Variants in DDX51 observed in about 807,000 individuals in gnomAD.
DDX51 encodes DEAD-box helicase 51.
DDX51 carries 67 observed loss-of-function variants against 74.6 expected under a neutral mutation model. The ratio of observed to expected loss-of-function variants is 0.90; its 90% CI spans 0.74 to 1.10. The LOEUF (loss-of-function observed/expected upper bound fraction) is 1.10, where lower values mean the gene tolerates loss of function less well. Ranked by LOEUF, DDX51 falls within the 50% of genes least tolerant of loss-of-function variation. DDX51 has a pLI of 0.00. For synonymous variants in DDX51, 545 were observed against 402.9 expected (o/e 1.35, Z -4.22); for missense variants, 1,056 against 905.2 (o/e 1.17, Z -2.14).
intron 2 of DDX51, chr12:132,143,130 T>G (rs1897542262): frequency 1.9e-6 from 1 of 516,734 alleles, no homozygotes; most frequent in African/African-American, 1.9e-5. Flanking sequence ...AGCCAGGAGG[T>G]CCTGTGACCT....
chr12:132,140,043 G>A lies in DDX51; in HGVS notation c.1775+55C>T, dbSNP rs11246941. The A allele has an allele frequency of 6.3e-4, 1,005 of 1,605,094 alleles. 2 individuals carry two copies. The highest frequency in any genetic ancestry group is 7.8e-4 in the Non-Finnish European group (917 of 1,175,038). On this transcript the variant is annotated intron_variant, in intron 12 of 14. Transcript: ENST00000397333. ...CCAGTCAAGACGGTCCCACATCAAC[G>A]CCCAGGAGCTCACAAAGCCCCAGAC... is the stretch of plus-strand genomic sequence containing the variant.
rs745626576 is a variant in DDX51 at position 132,140,246 on chromosome 12, G to A, written c.1674-47C>T. The A allele has an allele frequency of 1.4e-4, 223 of 1,591,180 alleles. 1 individual carries two copies. Among genetic ancestry groups the A allele is most frequent in the Non-Finnish European group, 1.7e-4 (203 of 1,165,780 alleles). The stretch of plus-strand genomic sequence containing the variant: ...TGGGCCCGACGTGCCAGGAGCAGGG[G>A]CCGTGGCAGCACCGGCCCTGCGGGG... On this transcript the variant is annotated intron_variant, in intron 11 of 14. Coordinates refer to ENST00000397333, the MANE Select transcript of DDX51 (RefSeq NM_175066.4).
At position 132,141,020 on chromosome 12, in the gene DDX51, G is replaced by A. The variant is rs755905759; in HGVS notation, c.1251C>T (p.Ser417=). The stretch of plus-strand genomic sequence containing the variant: ...GCAGGGGCATCTGGGGACAGCAGGT[G>A]CTGGAAGAGAAGGGGGTGTTGCTGG... ...RRQAQAVTAA[S]TCCPQMPLQK... Residue 417 remains serine (S), a splice_region_variant and synonymous_variant, in exon 9 of 15, where the codon AGC becomes AGT. Transcript: ENST00000397333. The A allele has an allele frequency of 3.1e-6, 5 of 1,588,854 alleles. No homozygotes were observed. Among genetic ancestry groups the A allele is most frequent in the Non-Finnish European group, 4.3e-6 (5 of 1,170,584 alleles).
chr12:132,142,299 G>T lies in DDX51; in HGVS notation c.794C>A (p.Ala265Asp). ...GACCTGCACCACAGGGATGACGAAG[G>T]CCAGTGTCTTCCCACTGCCTGTTGG... The part of the protein sequence containing the change: ...SAPTGSGKTL[A>D]FVIPVVQALL... Residue 265 changes from alanine (A) to aspartate (D), a missense_variant, in exon 4 of 15, where the codon GCC (alanine) becomes GAC (aspartate). Transcript: ENST00000397333. 1 of 1,613,082 alleles carries T rather than the reference G, an allele frequency of 6.2e-7. No individual in the cohort carries two copies. Among genetic ancestry groups the T allele is most frequent in the Non-Finnish European group, 8.5e-7 (1 of 1,179,966 alleles).
At chr12:132,143,293 G>A (rs556259365) in intron 2 of DDX51, 2 of 407,034 alleles carry the variant, frequency 4.9e-6, no homozygotes, top group Admixed American at 4.4e-5. Context: ...CGAGCACTCT[G>A]TCAAACTTCT....
intron 11 of DDX51, 82 bp from the exon 12 acceptor site, chr12:132,140,281 G>T: frequency 1.3e-6 from 2 of 1,566,862 alleles, no homozygotes; most frequent in Non-Finnish European, 8.7e-7. Context: ...GGGCAGCTCA[G>T]GCCTTTCTGG....
chr12:132,143,720 C>A lies in DDX51; in HGVS notation c.494G>T (p.Gly165Val), dbSNP rs965491186. The A allele has an allele frequency of 2.0e-6, 3 of 1,537,422 alleles. No individual in the cohort carries two copies. The highest frequency in any genetic ancestry group is 1.7e-6 in the Non-Finnish European group (2 of 1,143,872). The change falls in exon 2 of 15, where the codon GGG becomes GTG. Residue 165 changes from glycine to valine, a missense_variant. Coordinates refer to ENST00000397333, the MANE Select transcript of DDX51 (RefSeq NM_175066.4). ...GPLVPGLVLG[G>V]FGKRKAPKVQ... ...CTTCGGCGCCTTCCTCTTCCCGAAC[C>A]CCCCCAGCACCAGGCCGGGGACCAG... is the stretch of plus-strand genomic sequence containing the variant.
chr12:132,139,217 G>A lies in DDX51; in HGVS notation c.*55C>T. 2 of 1,592,092 alleles carry A rather than the reference G, an allele frequency of 1.3e-6. No individual in the cohort carries two copies. Among genetic ancestry groups the A allele is most frequent in the Non-Finnish European group, 1.7e-6 (2 of 1,171,674 alleles). ...AGGATCCAGTGATCAGCACTGCTCT[G>A]GAAGGAGGGTCAGGGTGGTGAGCGT... On this transcript the variant is annotated 3_prime_UTR_variant, in exon 15 of 15. Coordinates refer to ENST00000397333, the MANE Select transcript of DDX51 (RefSeq NM_175066.4).
chr12:132,142,033 CT>C (rs1897485865), intron 5 of DDX51, 77 bp from the exon 6 acceptor site: 1 of 1,606,538 alleles, frequency 6.2e-7, no homozygotes. Context: ...CAGATCTAAT[CT>C]GGGTCCCCCA....
chr12:132,143,793 C>T lies in DDX51; in HGVS notation c.421G>A (p.Ala141Thr), dbSNP rs1169827286. 2.6e-6 allele frequency: 4 copies of T among 1,520,250 alleles called. No homozygotes were observed. Among genetic ancestry groups the T allele is most frequent in the Middle Eastern group, 4.2e-4 (2 of 4,784 alleles). The allele number at this position is 1,520,250 out of a possible 1,614,324, so 94.2% of individuals were successfully genotyped here. A position where few individuals can be genotyped will look rare whatever the true frequency, so the allele number is the denominator to read the frequency against. The part of the protein sequence containing the change: ...APGERSTSAS[A>T]EAAPDGPALE... ...GCCGGTCCATCTGGGGCCGCCTCGGCGCTGGCGCTGGTGCTGCGCTCCCCC... is the reference window on the plus strand; with the variant it reads ...GCCGGTCCATCTGGGGCCGCCTCGGTGCTGGCGCTGGTGCTGCGCTCCCCC... Residue 141 changes from alanine (A) to threonine (T), a missense_variant, in exon 2 of 15, where the codon GCC becomes ACC. By Grantham distance (58) the Ala-to-Thr change is moderately conservative (BLOSUM62 0). Coordinates refer to ENST00000397333, the MANE Select transcript of DDX51 (RefSeq NM_175066.4).
chr12:132,143,469 T>A (rs1224994827), intron 2 of DDX51: 1 of 618,114 alleles, frequency 1.6e-6, no homozygotes, highest in African/African-American at 1.9e-5. Flanking sequence ...CTTGCAGAAC[T>A]GGCGCGGCGC....
rs756436652 is a variant in DDX51, at chr12:132,141,456, G to A, written c.1105-36C>T. 19 of 1,580,598 alleles carry A rather than the reference G, an allele frequency of 1.2e-5. No individual in the cohort carries two copies. In the Admixed American group the frequency reaches 1.2e-4, roughly 10 times the overall value. On this transcript the variant is annotated intron_variant, in intron 7 of 14. Transcript: ENST00000397333. ...CAGGGAGCCCGGGACTGGGTGGCGCGGCCCTGAGCTCAAAGCCCAGGCCCC... is the reference window on the plus strand; with the variant it reads ...CAGGGAGCCCGGGACTGGGTGGCGCAGCCCTGAGCTCAAAGCCCAGGCCCC...
rs764920253 is a variant in DDX51 at position 132,140,722 on chromosome 12, G to C, written c.1454C>G (p.Pro485Arg). The C allele has an allele frequency of 3.8e-5, 61 of 1,612,978 alleles. No individual in the cohort carries two copies. Among genetic ancestry groups the C allele is most frequent in the Non-Finnish European group, 5.2e-5 (61 of 1,180,030 alleles). Residue 485 changes from proline to arginine, a missense_variant, in exon 10 of 15, where the codon CCC becomes CGC. By Grantham distance (103) the Pro-to-Arg change is moderately radical (BLOSUM62 -2). Coordinates refer to ENST00000397333, the MANE Select transcript of DDX51 (RefSeq NM_175066.4). ...CAGCGGCTTAGAGCTGAGGCTGCAGGGCACGTAGTGGTGCTACAGGGACGG... is the reference window on the plus strand; with the variant it reads ...CAGCGGCTTAGAGCTGAGGCTGCAGCGCACGTAGTGGTGCTACAGGGACGG... ...FPVGLTHHYV[P>R]CSLSSKPLVV...
In DDX51 at chr12:132,140,156, C is replaced by T. The variant is rs150150422; in HGVS notation, c.1717G>A (p.Gly573Ser). 7,393 of 1,612,922 alleles carry T rather than the reference C, an allele frequency of 4.6e-3. 26 individuals carry two copies. The highest frequency in any genetic ancestry group is 6.0e-3 in the Admixed American group (360 of 60,030). The change falls in exon 12 of 15, where the codon GGT becomes AGT. Residue 573 changes from glycine to serine, a missense_variant. Gly to Ser is a moderately conservative substitution (Grantham distance 56, BLOSUM62 0). Transcript: ENST00000397333. The part of the protein sequence containing the change: ...DATARGIDVQ[G>S]VELVVNYDAP... The stretch of plus-strand genomic sequence containing the variant: ...TCGTAGTTCACCACCAGCTCCACAC[C>T]CTGCACGTCGATGCCTCGCGCGGTG...
chr12:132,141,462 G>A (rs1308266877), intron 7 of DDX51, 36 bp downstream of exon 7: 2 of 1,581,978 alleles, frequency 1.3e-6, no homozygotes, highest in Admixed American at 1.7e-5. Flanking sequence ...GCGCGGCCCT[G>A]AGCTCAAAGC....
Position 132,144,268 on chromosome 12 carries a change from G to C in DDX51, c.29C>G (p.Pro10Arg). The change falls in exon 1 of 15, where the codon CCG becomes CGG. Residue 10 changes from proline to arginine, a missense_variant. By Grantham distance (103) the Pro-to-Arg change is moderately radical. Coordinates refer to ENST00000397333, the MANE Select transcript of DDX51 (RefSeq NM_175066.4). The stretch of plus-strand genomic sequence containing the variant: ...CGCCGCAGCTGCCGCATCGGGGCCC[G>C]GGTACCGCGCGACGTAGAACAGCGC... MALFYVARY[P>R]GPDAAAAAGP... 8.8e-6 allele frequency: 11 copies of C among 1,249,686 alleles called. No homozygotes were observed. The highest frequency in any genetic ancestry group is 3.1e-4 in the Middle Eastern group (1 of 3,238). The allele number at this position is 1,249,686 out of a possible 1,614,324, so 77.4% of individuals were successfully genotyped here.
At chr12:132,142,941 G>C (rs1413469734) in intron 2 of DDX51, 63 bp from the exon 3 acceptor site, 2 of 1,602,838 alleles carry the variant, frequency 1.2e-6, no homozygotes, top group Non-Finnish European at 8.5e-7. Flanking sequence ...AGAAGCCCAC[G>C]GTGGAAAAAG....
intron 5 of DDX51, 45 bp from the exon 6 acceptor site, chr12:132,142,001 C>G: frequency 6.2e-7 from 1 of 1,607,492 alleles, no homozygotes; most frequent in Non-Finnish European, 8.5e-7. Flanking sequence ...CTGGTGTCCA[C>G]CTACTGCAGC....
In DDX51 at chr12:132,138,547, T is replaced by C. The variant is rs1300695047; in HGVS notation, c.*725A>G. 2.0e-5 allele frequency: 3 copies of C among 150,286 alleles called. No individual in the cohort carries two copies. Among genetic ancestry groups the C allele is most frequent in the Non-Finnish European group, 4.4e-5 (3 of 67,698 alleles). 9.3% of individuals were successfully genotyped at this position (150,286 alleles called of 1,614,324 possible). A position where few individuals can be genotyped will look rare whatever the true frequency, so the allele number is the denominator to read the frequency against. On this transcript the variant is annotated 3_prime_UTR_variant, in exon 15 of 15. Transcript: ENST00000397333. Reference sequence around the variant, plus strand: ...TCACCATGTTAGCAATGATGGTCTCTATCTCCTGACCTTGTGATCCACCTG... The same window carrying C: ...TCACCATGTTAGCAATGATGGTCTCCATCTCCTGACCTTGTGATCCACCTG...
Sources: allele counts gnomAD v4.1 joint callset, GRCh38; gene constraint gnomAD v4.1.1; transcripts MANE v1.5; gene names NCBI Gene and HGNC (gene_info 2026-07-23, HGNC 2026-07-21).